RANBP2: variants seen among roughly 807,000 people sequenced by gnomAD.
RANBP2 encodes E3 SUMO-protein ligase RanBP2.
In RANBP2, 57 loss-of-function variants were observed where a neutral mutation model predicts 303.6. The ratio of observed to expected loss-of-function variants is 0.19; its 90% confidence interval spans 0.15 to 0.23. RANBP2 has a LOEUF of 0.23. Among genes scored for constraint, RANBP2 ranks in the 10% least tolerant of loss-of-function variants. RANBP2 has a pLI of 1.00. For missense variants in RANBP2, 3,138 were observed against 3,780.8 expected (o/e 0.83, Z 4.46); for synonymous variants, 1,167 against 1,301.5 (o/e 0.90, Z 2.23).
rs1677003353 is a variant in RANBP2 at position 108,764,866 on chromosome 2, T to C, written c.4327T>C (p.Ser1443Pro). ...SRCIACQNTK[S>P]ANKSGSSFVH... Reference sequence around the variant, plus strand: ...GTGCATTGCGTGTCAGAATACAAAATCTGCTAACAAAAGTGGATCTTCATT... The same window carrying C: ...GTGCATTGCGTGTCAGAATACAAAACCTGCTAACAAAAGTGGATCTTCATT... Residue 1443 changes from serine (S) to proline (P), a missense_variant, in exon 20 of 29, where the codon TCT (serine) becomes CCT (proline). By Grantham distance (74) the Ser-to-Pro change is moderately conservative (BLOSUM62 -1). Coordinates refer to ENST00000283195, the MANE Select transcript of RANBP2 (RefSeq NM_006267.5). The C allele has an allele frequency of 6.2e-7, 1 of 1,613,882 alleles. No individual in the cohort carries two copies. The highest frequency in any genetic ancestry group is 1.7e-5 in the Admixed American group (1 of 59,982).
the RANBP2 span, among the ~76,000 whole-genome samples, chr2:109,242,822 G>C: frequency 2.6e-5 from 4 of 152,164 alleles, no homozygotes; most frequent in East Asian, 7.7e-4. Context: ...TCACTCTGTG[G>C]CCCAAATAGA....
the RANBP2 span, among the ~76,000 whole-genome samples, chr2:109,555,194 G>A: frequency 4.5e-4 from 69 of 152,274 alleles, no homozygotes; most frequent in African/African-American, 1.7e-3. Flanking sequence ...GCTATCTATA[G>A]AATAAGGTCC....
At chr2:109,673,305 C>T in the RANBP2 span, among the ~76,000 whole-genome samples, 10 of 152,106 alleles carry the variant, frequency 6.6e-5, no homozygotes, top group East Asian at 3.9e-4. Flanking sequence ...GAATTATTTC[C>T]GTAGTAGGTC....
At chr2:109,490,355 C>T in the RANBP2 span, among the ~76,000 whole-genome samples, 2 of 152,304 alleles carry the variant, frequency 1.3e-5, no homozygotes, top group East Asian at 3.9e-4. Flanking sequence ...TTTAACACAG[C>T]CTGGTGTGCC....
At chr2:109,063,384 G>A in the RANBP2 span, among the ~76,000 whole-genome samples, 2 of 152,106 alleles carry the variant, frequency 1.3e-5, no homozygotes, top group Non-Finnish European at 2.9e-5. Context: ...GGGAGATCTC[G>A]ACACAGTAGG....
chr2:109,452,030 T>C, the RANBP2 span, among the ~76,000 whole-genome samples: 1 of 152,190 alleles, frequency 6.6e-6, no homozygotes, highest in Admixed American at 6.5e-5. Flanking sequence ...CCACCTCTCA[T>C]AAACAACAAA....
the RANBP2 span, among the ~76,000 whole-genome samples, chr2:109,652,269 C>T: frequency 4.6e-5 from 7 of 150,872 alleles, no homozygotes; most frequent in African/African-American, 1.7e-4. Context: ...GTCACTCAGT[C>T]TGGAGCGCAG....
chr2:108,738,240 T>A (rs1695783319), intron 6 of RANBP2, among the ~76,000 whole-genome samples: 1 of 149,946 alleles, frequency 6.7e-6, no homozygotes, highest in Non-Finnish European at 1.5e-5. Flanking sequence ...CACACCCAGC[T>A]AATTTTTTGT....
chr2:108,794,866 T>C, the RANBP2 span: 2 of 639,984 alleles, frequency 3.1e-6, no homozygotes, highest in Non-Finnish European at 5.2e-6. Context: ...AAACTCAAAT[T>C]ATAGGGACTA....
chr2:109,413,604 A>G, the RANBP2 span, among the ~76,000 whole-genome samples: 2 of 152,026 alleles, frequency 1.3e-5, no homozygotes, highest in East Asian at 3.9e-4. Context: ...ACAAGCCCAA[A>G]TCACCAGGAC....
chr2:108,931,039 G>C, the RANBP2 span: 2 of 1,613,776 alleles, frequency 1.2e-6, no homozygotes, highest in Non-Finnish European at 1.7e-6. Context: ...TCACCTGAAA[G>C]ACATGCGTCA....
chr2:109,648,917 G>A, the RANBP2 span, among the ~76,000 whole-genome samples: 1 of 152,122 alleles, frequency 6.6e-6, no homozygotes, highest in African/African-American at 2.4e-5. Context: ...CTCCCAAAGT[G>A]CCGGGAGTGT....
At chr2:109,330,626 G>A in the RANBP2 span, among the ~76,000 whole-genome samples, 1 of 152,172 alleles carries the variant, frequency 6.6e-6, no homozygotes, top group Non-Finnish European at 1.5e-5. Context: ...TGTGGTGGAT[G>A]GATGGAGGGA....
chr2:109,036,079 C>T, the RANBP2 span, among the ~76,000 whole-genome samples: 9 of 152,032 alleles, frequency 5.9e-5, no homozygotes, highest in African/African-American at 2.2e-4. Context: ...CAGACATTCT[C>T]AGATGAAAGA....
the RANBP2 span, among the ~76,000 whole-genome samples, chr2:109,494,119 G>A: frequency 7.2e-5 from 11 of 152,214 alleles, no homozygotes; most frequent in East Asian, 2.1e-3. Context: ...TTCTTCCCCA[G>A]ACCCCTCAAC....
the RANBP2 span, among the ~76,000 whole-genome samples, chr2:109,650,368 G>A: frequency 1.3e-5 from 2 of 152,210 alleles, no homozygotes; most frequent in Non-Finnish European, 2.9e-5. Context: ...TGGAGGTGAA[G>A]CCAGGTGTCC....
chr2:109,331,832 A>G, the RANBP2 span, among the ~76,000 whole-genome samples: 1 of 152,182 alleles, frequency 6.6e-6, no homozygotes, highest in African/African-American at 2.4e-5. Context: ...GATCTTTGCC[A>G]GGGGCACCCT....
At chr2:108,850,000 G>A in the RANBP2 span, among the ~76,000 whole-genome samples, 2 of 152,340 alleles carry the variant, frequency 1.3e-5, no homozygotes, top group South Asian at 4.1e-4. Flanking sequence ...GTGAATACAA[G>A]TGTAAAAGGG....
chr2:109,125,073 A>G, the RANBP2 span, among the ~76,000 whole-genome samples: 1 of 152,272 alleles, frequency 6.6e-6, no homozygotes, highest in Non-Finnish European at 1.5e-5. Context: ...TGGAGGCTAC[A>G]GTCCAGGCTC....
Sources: allele counts gnomAD v4.1 joint callset (sites outside exome capture counted in the v4.1 genomes callset), GRCh38; gene constraint gnomAD v4.1.1; transcripts MANE v1.5; gene names NCBI Gene and HGNC (gene_info 2026-07-23, HGNC 2026-07-21).